ERICH3: variants seen among roughly 807,000 people sequenced by gnomAD.
The protein encoded by ERICH3 is glutamate rich 3.
A neutral mutation model predicts 131.1 loss-of-function variants in ERICH3; 126 were observed. The observed-to-expected ratio is 0.96, with a 90% CI of 0.83 to 1.11. The LOEUF (loss-of-function observed/expected upper bound fraction) is 1.11, where lower values mean the gene tolerates loss of function less well. Among genes scored for constraint, ERICH3 ranks in the 50% most tolerant of loss-of-function variants. The pLI, the probability that ERICH3 is intolerant of heterozygous loss-of-function variation, is 0.00. For missense variants in ERICH3, 2,050 were observed against 1,810.7 expected (o/e 1.13, Z -2.40); for synonymous variants, 695 against 644.6 (o/e 1.08, Z -1.18).
At position 74,571,672 on chromosome 1, in the gene ERICH3, A is replaced by C. The variant is rs1570785235; in HGVS notation, c.4038T>G (p.Gly1346=). 6.2e-7 allele frequency: 1 copy of C among 1,612,852 alleles called. No homozygotes were observed. Among genetic ancestry groups the C allele is most frequent in the Non-Finnish European group, 8.5e-7 (1 of 1,179,730 alleles). Residue 1346 remains glycine, a synonymous_variant, in exon 14 of 15, where the codon GGT becomes GGG. Transcript: ENST00000326665. Reference sequence around the variant, plus strand: ...CTGCGGCTGTTTCTGCCGTTTCACCACCTCCGTGTAGAACTTCCACAGCCA... The same window carrying C: ...CTGCGGCTGTTTCTGCCGTTTCACCCCCTCCGTGTAGAACTTCCACAGCCA... The part of the protein sequence containing the change: ...RVVAVEVLHG[G]GETAETAAEE...
At chr1:74,605,778 A>C (rs924146833) in intron 10 of ERICH3, among the ~76,000 whole-genome samples, 7 of 151,840 alleles carry the variant, frequency 4.6e-5, no homozygotes, top group African/African-American at 1.7e-4. Flanking sequence ...ACCATGACAG[A>C]TATCATAATA....
At chr1:74,589,259 A>G (rs1338766334) in intron 12 of ERICH3, 1 of 327,164 alleles carries the variant, frequency 3.1e-6, no homozygotes, top group African/African-American at 2.1e-5. Flanking sequence ...TATATCTGAA[A>G]CTCCATATAT....
chr1:74,643,191 T>G, intron 3 of ERICH3, 93 bp from the exon 4 acceptor site: 1 of 832,542 alleles, frequency 1.2e-6, no homozygotes, highest in East Asian at 2.6e-5. Context: ...AACTATATTC[T>G]CAATTAGTCC....
intron 1 of ERICH3, among the ~76,000 whole-genome samples, chr1:74,654,132 A>T (rs1646561803): frequency 6.6e-6 from 1 of 152,018 alleles, no homozygotes; most frequent in African/African-American, 2.4e-5. Context: ...ATTATTGTTT[A>T]TGTAGTCTCT....
intron 7 of ERICH3, among the ~76,000 whole-genome samples, chr1:74,630,665 G>A (rs1646315939): frequency 1.3e-5 from 2 of 152,154 alleles, no homozygotes; most frequent in African/African-American, 4.8e-5. Flanking sequence ...GTTGCAGCAT[G>A]TGAGGAAATA....
chr1:74,669,560 TAGA>T (rs2100662197), intron 1 of ERICH3, among the ~76,000 whole-genome samples: 1 of 152,216 alleles, frequency 6.6e-6, no homozygotes, highest in Admixed American at 6.5e-5. Flanking sequence ...TTTAGCAAAC[TAGA>T]AGGACAATCA....
At chr1:74,570,990 G>A in intron 14 of ERICH3, 109 bp downstream of exon 14, 4 of 1,363,320 alleles carry the variant, frequency 2.9e-6, no homozygotes, top group Non-Finnish European at 3.9e-6. Flanking sequence ...TGAAGCCTGT[G>A]TGTTTATATG....
At chr1:74,617,170 C>CAAAAAAAAAAAAAAAA (rs1649003649) in intron 8 of ERICH3, among the ~76,000 whole-genome samples, 1 of 62,972 alleles carries the variant, frequency 1.6e-5, no homozygotes, top group Non-Finnish European at 3.1e-5. Flanking sequence ...CAACAAAAAA[C>CAAAAAAAAAAAAAAAA]AAACAAAAAA....
intron 8 of ERICH3, among the ~76,000 whole-genome samples, chr1:74,619,797 T>C (rs1266857302): frequency 6.6e-6 from 1 of 152,242 alleles, no homozygotes; most frequent in Non-Finnish European, 1.5e-5. Flanking sequence ...TCATATTGTG[T>C]TTCACTTTAA....
intron 6 of ERICH3, among the ~76,000 whole-genome samples, chr1:74,633,774 T>C (rs183134356): frequency 9.9e-5 from 15 of 152,104 alleles, no homozygotes; most frequent in African/African-American, 2.9e-4. Context: ...TAGGATAAAT[T>C]CCTACATGTT....
At chr1:74,626,831 C>A (rs1649432853) in intron 7 of ERICH3, among the ~76,000 whole-genome samples, 1 of 152,150 alleles carries the variant, frequency 6.6e-6, no homozygotes, top group African/African-American at 2.4e-5. Flanking sequence ...TCGTACCACA[C>A]CTTGCCATTT....
chr1:74,579,359 T>C lies in ERICH3; in HGVS notation c.2177-2423A>G, dbSNP rs1250480079. On this transcript the variant is annotated intron_variant, in intron 12 of 14. Coordinates refer to ENST00000326665, the MANE Select transcript of ERICH3 (RefSeq NM_001002912.5). Reference sequence around the variant, plus strand: ...CAGGTACTGAACCAAAAGACTACTATAAGAAGCCAAACAATACTAACATCA... The same window carrying C: ...CAGGTACTGAACCAAAAGACTACTACAAGAAGCCAAACAATACTAACATCA... 4.1e-6 allele frequency: 4 copies of C among 978,122 alleles called. No individual in the cohort carries two copies. In the African/African-American group the frequency reaches 7.0e-5, roughly 17 times the overall value. 60.6% of individuals were successfully genotyped at this position (978,122 alleles called of 1,614,324 possible).
intron 10 of ERICH3, among the ~76,000 whole-genome samples, chr1:74,602,074 G>A (rs1248808515): frequency 6.6e-6 from 1 of 151,900 alleles, no homozygotes; most frequent in African/African-American, 2.4e-5. Context: ...ACACACTTTA[G>A]TGGAGGCACC....
Position 74,616,749 on chromosome 1 carries a change from T to A in ERICH3, c.1001-3940A>T, listed in dbSNP as rs374311698. Among the ~76,000 whole-genome samples the A allele has an allele frequency of 5.2e-4, 79 of 151,974 alleles. 1 individual carries two copies. The South Asian group carries it at 0.01, about 20-fold the overall frequency. ...TCCTGGATTTAAGTTTGGCCCTCAA[T>A]CCAATGGCTGATGTCCTTATAAAAA... On this transcript the variant is annotated intron_variant, in intron 8 of 14. Coordinates refer to ENST00000326665, the MANE Select transcript of ERICH3 (RefSeq NM_001002912.5).
At chr1:74,652,777 T>C (rs922210538) in intron 1 of ERICH3, among the ~76,000 whole-genome samples, 1 of 152,248 alleles carries the variant, frequency 6.6e-6, no homozygotes, top group East Asian at 1.9e-4. Flanking sequence ...TCGCAGGCTA[T>C]GTTGTCATGC....
chr1:74,635,175 A>T (rs1234107974), intron 6 of ERICH3, among the ~76,000 whole-genome samples: 1 of 152,116 alleles, frequency 6.6e-6, no homozygotes, highest in East Asian at 1.9e-4. Context: ...CTGGGTCTTC[A>T]AAGTGGAGAC....
chr1:74,579,722 G>A (rs1647142539), intron 12 of ERICH3: 1 of 985,198 alleles, frequency 1.0e-6, no homozygotes, highest in African/African-American at 1.7e-5. Context: ...GACTGTGCAT[G>A]CTGAGACTCC....
chr1:74,608,344 C>A (rs974933274), intron 9 of ERICH3, among the ~76,000 whole-genome samples: 3 of 151,974 alleles, frequency 2.0e-5, no homozygotes, highest in African/African-American at 7.2e-5. Context: ...GAACTACTCA[C>A]GTTCCCCTCT....
At chr1:74,635,693 C>T (rs599883) in intron 6 of ERICH3, among the ~76,000 whole-genome samples, 1 of 152,076 alleles carries the variant, frequency 6.6e-6, no homozygotes, top group African/African-American at 2.4e-5. Flanking sequence ...GGTTACCATA[C>T]CTCCTTCCTG....
Sources: gnomAD v4.1 joint callset for allele counts (sites outside exome capture counted in the v4.1 genomes callset) on GRCh38, gnomAD v4.1.1 for gene constraint, MANE v1.5 for transcripts, NCBI Gene and HGNC (gene_info 2026-07-23, HGNC 2026-07-21) for gene names.